KLHL32: variants seen among roughly 807,000 people sequenced by gnomAD.
The protein encoded by KLHL32 is kelch-like protein 32.
KLHL32 carries 35 observed loss-of-function variants against 64.8 expected under a neutral mutation model. That is an observed-to-expected ratio of 0.54 (90% CI 0.41 to 0.72). KLHL32 has a LOEUF of 0.72. Ranked by LOEUF, KLHL32 falls within the 30% of genes least tolerant of loss-of-function variation. The probability of loss-of-function intolerance (pLI) is 0.00; values close to 1 mark genes in which losing one functional copy is unlikely to be tolerated. For missense variants in KLHL32, 589 were observed against 768.5 expected (o/e 0.77, Z 2.76); for synonymous variants, 259 against 281.0 (o/e 0.92, Z 0.78).
At chr6:97,039,213 A>G (rs541539442) in intron 3 of KLHL32, among the ~76,000 whole-genome samples, 278 of 152,352 alleles carry the variant, frequency 1.8e-3, no homozygotes, top group African/African-American at 6.4e-3. Flanking sequence ...CCATAAAAAA[A>G]TGAAATCCTG....
chr6:96,913,569 C>G, the KLHL32 span, among the ~76,000 whole-genome samples: 2 of 151,964 alleles, frequency 1.3e-5, no homozygotes, highest in Non-Finnish European at 2.9e-5. Context: ...TTTTTGCAAG[C>G]GGTGCAAGCA....
At chr6:96,971,085 A>G in intron 2 of KLHL32, among the ~76,000 whole-genome samples, 1 of 152,176 alleles carries the variant, frequency 6.6e-6, no homozygotes, top group East Asian at 1.9e-4. Context: ...TTAAGAAATG[A>G]GAATCTTTAT....
intron 4 of KLHL32, among the ~76,000 whole-genome samples, chr6:97,046,988 T>C (rs138579543): frequency 1.3e-5 from 2 of 152,300 alleles, no homozygotes; most frequent in African/African-American, 4.8e-5. Flanking sequence ...TGTACGTATT[T>C]TAAGTGTCTG....
intron 8 of KLHL32, 25 bp downstream of exon 8, chr6:97,127,487 A>G (rs763238587): frequency 1.3e-6 from 2 of 1,553,258 alleles, no homozygotes; most frequent in Non-Finnish European, 1.8e-6. Flanking sequence ...AGAACACCTC[A>G]TTATCTTAAT....
At chr6:97,132,603 T>A (rs751485148) in intron 9 of KLHL32, 50 bp from the exon 10 acceptor site, 1 of 1,394,254 alleles carries the variant, frequency 7.2e-7, no homozygotes, top group South Asian at 1.2e-5. Flanking sequence ...TTAATTAAAA[T>A]ATGTAAGAAA....
rs200370685 is a variant in KLHL32 at position 97,113,818 on chromosome 6, C to T, written c.663C>T (p.Tyr221=). 5.0e-6 allele frequency: 8 copies of T among 1,614,068 alleles called. No individual in the cohort carries two copies. Among genetic ancestry groups the T allele is most frequent in the East Asian group, 2.2e-5 (1 of 44,880 alleles). ...GGTGGTTGGAACACAACTGCCACTA[C>T]CAGTACATGGACGAGCTCCTGCAAT... ...AVRWLEHNCH[Y]QYMDELLQYI... is the part of the protein sequence containing the mutation. The change falls in exon 7 of 11, where the codon TAC becomes TAT. Residue 221 remains tyrosine (Y), a synonymous_variant. Coordinates refer to ENST00000369261, the MANE Select transcript of KLHL32 (RefSeq NM_052904.4).
intron 3 of KLHL32, among the ~76,000 whole-genome samples, chr6:96,978,979 T>C (rs533784551): frequency 6.6e-6 from 1 of 152,176 alleles, no homozygotes; most frequent in East Asian, 1.9e-4. Context: ...TTTTGCCCCC[T>C]TTTTTTATGG....
At chr6:96,908,331 C>G in the KLHL32 span, among the ~76,000 whole-genome samples, 1 of 152,178 alleles carries the variant, frequency 6.6e-6, no homozygotes, top group Non-Finnish European at 1.5e-5. Flanking sequence ...AAAACCTTGC[C>G]ACACACAGAG....
upstream of KLHL32, among the ~76,000 whole-genome samples, chr6:96,922,435 T>C (rs1169411169): frequency 6.6e-6 from 1 of 152,174 alleles, no homozygotes; most frequent in Admixed American, 6.5e-5. Context: ...GCTCCTGATA[T>C]CCTTCTACTA....
At chr6:97,032,816 A>G (rs565949239) in intron 3 of KLHL32, among the ~76,000 whole-genome samples, 2 of 152,346 alleles carry the variant, frequency 1.3e-5, no homozygotes, top group African/African-American at 4.8e-5. Flanking sequence ...TCAACATTTT[A>G]TAAACTAAAG....
chr6:96,992,576 T>TGA (rs1450205593), intron 3 of KLHL32, among the ~76,000 whole-genome samples: 3 of 152,258 alleles, frequency 2.0e-5, no homozygotes, highest in African/African-American at 4.8e-5. Flanking sequence ...TGTGTATGTG[T>TGA]GAGAGAGAGA....
Position 97,085,117 on chromosome 6 carries a change from G to T in KLHL32, c.412-9G>T. 1 of 1,598,742 alleles carries T rather than the reference G, an allele frequency of 6.3e-7. No individual in the cohort carries two copies. The highest frequency in any genetic ancestry group is 1.7e-5 in the Admixed American group (1 of 58,780). On this transcript the variant is annotated splice_polypyrimidine_tract_variant and intron_variant, in intron 5 of 10. Transcript: ENST00000369261. ...AGATCTTTTTTCATTTTTATTTTTT[G>T]GCACCCAGGAATTAAATAGCTTTAA...
At chr6:97,081,956 C>T (rs914246110) in intron 5 of KLHL32, among the ~76,000 whole-genome samples, 1 of 152,008 alleles carries the variant, frequency 6.6e-6, no homozygotes, top group Admixed American at 6.6e-5. Flanking sequence ...GATCGCAGTG[C>T]CCCGGTCATG....
Position 97,130,925 on chromosome 6 carries a change from C to T in KLHL32, c.1582C>T (p.Arg528Cys), listed in dbSNP as rs1562367883. The change falls in exon 9 of 11, where the codon CGT becomes TGT. Residue 528 changes from arginine to cysteine, a missense_variant. Physicochemically the swap from Arg to Cys is radical, Grantham distance 180 (BLOSUM62 -3). This residue lies in a region of KLHL32 where 172 missense variants were observed against 192.0 expected (regional missense o/e 0.90). Transcript: ENST00000369261. ...CAACATAGACACTGACCAGTGGACA[C>T]GTTGTAATTTCAACCTGCTGACTGG... is the stretch of plus-strand genomic sequence containing the variant. Reference protein sequence around the residue: ...SYNIDTDQWTRCNFNLLTGQN... With the variant: ...SYNIDTDQWTCCNFNLLTGQN... 5 of 1,611,868 alleles carry T rather than the reference C, an allele frequency of 3.1e-6. No individual in the cohort carries two copies. The highest frequency in any genetic ancestry group is 4.5e-5 in the East Asian group (2 of 44,850).
chr6:97,026,639 G>T (rs563696314), intron 3 of KLHL32, among the ~76,000 whole-genome samples: 1 of 152,140 alleles, frequency 6.6e-6, no homozygotes, highest in African/African-American at 2.4e-5. Context: ...TCCACACCTG[G>T]ACTGGGCATC....
chr6:97,057,659 C>T (rs147206527), intron 4 of KLHL32, among the ~76,000 whole-genome samples: 74 of 151,196 alleles, frequency 4.9e-4, no homozygotes, highest in African/African-American at 1.8e-3. Context: ...GCAGATGTAT[C>T]TGTTGCAAAT....
chr6:96,898,249 A>T, the KLHL32 span, among the ~76,000 whole-genome samples: 34,557 of 152,254 alleles, frequency 0.23, 4,607 homozygotes, highest in East Asian at 0.37. Context: ...GTCGTAAGGA[A>T]GTTGACCTTG....
At chr6:96,934,780 A>G (rs911018489) in intron 1 of KLHL32, among the ~76,000 whole-genome samples, 3 of 152,220 alleles carry the variant, frequency 2.0e-5, no homozygotes, top group African/African-American at 4.8e-5. Flanking sequence ...GATTTAGAGC[A>G]TTGATAGTGA....
At chr6:97,083,913 A>C (rs1792986989) in intron 5 of KLHL32, among the ~76,000 whole-genome samples, 1 of 152,188 alleles carries the variant, frequency 6.6e-6, no homozygotes, top group African/African-American at 2.4e-5. Context: ...ACATGGTTTA[A>C]CCAAAAGGAC....
Sources: gnomAD v4.1 joint callset for allele counts (sites outside exome capture counted in the v4.1 genomes callset) on GRCh38, gnomAD v4.1.1 for gene constraint, gnomAD v4.1.1 regional missense constraint, MANE v1.5 for transcripts, NCBI Gene and HGNC (gene_info 2026-07-23, HGNC 2026-07-21) for gene names.